Variants in GPM6A observed in about 807,000 individuals in gnomAD.
GPM6A encodes the protein neuronal membrane glycoprotein M6-a.
Under a neutral mutation model 32.1 loss-of-function variants are expected in GPM6A, and 7 were observed. The observed-to-expected ratio is 0.22, with a 90% CI of 0.12 to 0.41. The LOEUF is 0.41. Among genes scored for constraint, GPM6A ranks in the 10% least tolerant of loss-of-function variants. The pLI, the probability that GPM6A is intolerant of heterozygous loss-of-function variation, is 1.00. For synonymous variants in GPM6A, 130 were observed against 123.4 expected, an observed-to-expected ratio of 1.05 and a Z score of -0.35; for missense variants, 235 against 347.2, an observed-to-expected ratio of 0.68 and a Z score of 2.57.
At chr4:175,821,667 A>C (rs756854861) in intron 1 of GPM6A, among the ~76,000 whole-genome samples, 2 of 151,834 alleles carry the variant, frequency 1.3e-5, no homozygotes, top group Non-Finnish European at 2.9e-5. Flanking sequence ...GGAGCTTTGC[A>C]TATTTTTTTT....
intron 1 of GPM6A, among the ~76,000 whole-genome samples, chr4:175,867,504 A>C (rs1736777374): frequency 6.6e-6 from 1 of 152,156 alleles, no homozygotes; most frequent in Admixed American, 6.6e-5. Context: ...GTTGAAAAAA[A>C]AAATCTTTGC....
At chr4:175,709,494 C>A (rs1231625075) in intron 1 of GPM6A, among the ~76,000 whole-genome samples, 1 of 151,972 alleles carries the variant, frequency 6.6e-6, no homozygotes, top group Non-Finnish European at 1.5e-5. Flanking sequence ...CTTTAGGAGG[C>A]CGACGTGAGT....
intron 4 of GPM6A, among the ~76,000 whole-genome samples, chr4:175,645,362 C>T (rs1741395360): frequency 6.6e-6 from 1 of 152,114 alleles, no homozygotes; most frequent in Non-Finnish European, 1.5e-5. Flanking sequence ...ATCACTAAGG[C>T]AATAAAAACC....
intron 1 of GPM6A, among the ~76,000 whole-genome samples, chr4:175,822,520 T>C (rs1232251972): frequency 6.6e-6 from 1 of 152,194 alleles, no homozygotes; most frequent in Non-Finnish European, 1.5e-5. Flanking sequence ...GTATAAATAG[T>C]ATCCTTTTGT....
chr4:175,997,924 C>T (rs574458894), intron 1 of GPM6A, among the ~76,000 whole-genome samples: 5 of 149,816 alleles, frequency 3.3e-5, no homozygotes, highest in African/African-American at 1.3e-4. Flanking sequence ...CAGTTGGCAT[C>T]CTTCTTCAAT....
intron 1 of GPM6A, among the ~76,000 whole-genome samples, chr4:175,920,369 G>T (rs1738625873): frequency 6.6e-6 from 1 of 152,058 alleles, no homozygotes; most frequent in Non-Finnish European, 1.5e-5. Context: ...TTTTAAAATG[G>T]TCTTATAAAA....
intron 1 of GPM6A, among the ~76,000 whole-genome samples, chr4:175,934,260 T>A (rs991235612): frequency 1.3e-5 from 2 of 152,210 alleles, no homozygotes; most frequent in African/African-American, 4.8e-5. Flanking sequence ...ATGTTAATTT[T>A]AAAATATTTA....
intron 1 of GPM6A, among the ~76,000 whole-genome samples, chr4:175,959,506 A>G (rs1299004026): frequency 2.6e-5 from 4 of 152,132 alleles, no homozygotes; most frequent in African/African-American, 9.7e-5. Flanking sequence ...ACTTAAAATT[A>G]CCTAAGAAGA....
chr4:175,730,830 G>C (rs1731395454), intron 1 of GPM6A, among the ~76,000 whole-genome samples: 1 of 152,058 alleles, frequency 6.6e-6, no homozygotes, highest in African/African-American at 2.4e-5. Context: ...GTTCACCAAA[G>C]TACATGATTC....
intron 2 of GPM6A, among the ~76,000 whole-genome samples, chr4:175,679,725 G>A (rs571550917): frequency 6.6e-6 from 1 of 152,190 alleles, no homozygotes; most frequent in African/African-American, 2.4e-5. Flanking sequence ...ACGGACTAAT[G>A]GTATCTGATT....
At position 175,656,967 on chromosome 4, in the gene GPM6A, G is replaced by T. The variant is rs568446226; in HGVS notation, c.388-4980C>A. Among the ~76,000 whole-genome samples the T allele has an allele frequency of 2.3e-4, 35 of 152,282 alleles. No individual in the cohort carries two copies. In the South Asian group the frequency reaches 5.4e-3, roughly 23 times the overall value. The stretch of plus-strand genomic sequence containing the variant: ...AGGCACATTTAAACTTTAGTGAAAT[G>T]AATAAAATGGATGTTCTGATGTATC... On this transcript the variant is annotated intron_variant, in intron 3 of 6. Transcript: ENST00000393658.
intron 1 of GPM6A, among the ~76,000 whole-genome samples, chr4:175,804,230 T>A (rs1734588809): frequency 6.6e-6 from 1 of 152,182 alleles, no homozygotes; most frequent in Admixed American, 6.5e-5. Flanking sequence ...ATAAATATAA[T>A]TCCTTACTGC....
intron 1 of GPM6A, among the ~76,000 whole-genome samples, chr4:175,737,959 T>G (rs1045635927): frequency 6.7e-6 from 1 of 149,832 alleles, no homozygotes; most frequent in Admixed American, 6.7e-5. Flanking sequence ...TTTTTTGAAG[T>G]GGAGTTTCGT....
At chr4:175,801,337 T>C (rs925718528) in intron 1 of GPM6A, among the ~76,000 whole-genome samples, 1 of 125,598 alleles carries the variant, frequency 8.0e-6, no homozygotes, top group African/African-American at 3.0e-5. Flanking sequence ...ATAGGTATGT[T>C]AATATTATAG....
At chr4:175,821,202 A>G (rs944956303) in intron 1 of GPM6A, among the ~76,000 whole-genome samples, 2 of 152,192 alleles carry the variant, frequency 1.3e-5, no homozygotes, top group African/African-American at 4.8e-5. Flanking sequence ...ATGAGTATTA[A>G]TTATATATCT....
At chr4:175,848,142 A>G (rs945394395) in intron 1 of GPM6A, among the ~76,000 whole-genome samples, 2 of 152,212 alleles carry the variant, frequency 1.3e-5, no homozygotes, top group Non-Finnish European at 2.9e-5. Context: ...CTAGTTGTCA[A>G]AACACCAAGG....
chr4:175,770,984 G>A (rs1022884676), intron 1 of GPM6A, among the ~76,000 whole-genome samples: 3 of 152,106 alleles, frequency 2.0e-5, no homozygotes, highest in Non-Finnish European at 4.4e-5. Flanking sequence ...AACAAGAAAA[G>A]TACTTATTGA....
intron 1 of GPM6A, among the ~76,000 whole-genome samples, chr4:175,935,816 A>G (rs1207553901): frequency 6.6e-6 from 1 of 151,996 alleles, no homozygotes; most frequent in Non-Finnish European, 1.5e-5. Flanking sequence ...GTGGATGTTC[A>G]AGAGTAAGTG....
chr4:175,872,953 AG>A (rs1346124721), intron 1 of GPM6A, among the ~76,000 whole-genome samples: 49 of 152,304 alleles, frequency 3.2e-4, no homozygotes, highest in African/African-American at 1.2e-3. Context: ...AGGGATCAAA[AG>A]AAATGGAATT....
Sources: gnomAD v4.1 joint callset for allele counts (sites outside exome capture counted in the v4.1 genomes callset) on GRCh38, gnomAD v4.1.1 for gene constraint, MANE v1.5 for transcripts, NCBI Gene and HGNC (gene_info 2026-07-23, HGNC 2026-07-21) for gene names.